Variants in ACP3 observed in about 807,000 individuals in gnomAD.
ACP3 encodes the protein prostatic acid phosphatase.
Under a neutral mutation model 45.6 loss-of-function variants are expected in ACP3, and 38 were observed. The ratio of observed to expected loss-of-function variants is 0.83; its 90% confidence interval spans 0.64 to 1.09. The LOEUF is 1.09. Among genes scored for constraint, ACP3 ranks in the 50% least tolerant of loss-of-function variants. The pLI, the probability that ACP3 is intolerant of heterozygous loss-of-function variation, is 0.00. For synonymous variants in ACP3, 162 were observed against 164.7 expected (o/e 0.98, Z 0.13); for missense variants, 466 against 463.2 (o/e 1.01, Z -0.05).
At chr3:132,336,019 G>A (rs1273702191) in intron 4 of ACP3, among the ~76,000 whole-genome samples, 1 of 152,142 alleles carries the variant, frequency 6.6e-6, no homozygotes, top group African/African-American at 2.4e-5. Flanking sequence ...CCAGCACTTT[G>A]GGAGGCCAAG....
chr3:132,364,647 ATTACCTTTCTGGTTCTC>A (rs1938100127), intron 10 of ACP3, among the ~76,000 whole-genome samples: 1 of 152,148 alleles, frequency 6.6e-6, no homozygotes, highest in South Asian at 2.1e-4. Flanking sequence ...GTATCTTGTA[ATTACCTTTCTGGTTCTC>A]CTGCTAGACA....
chr3:132,361,876 T>G (rs1040652842), downstream of ACP3, among the ~76,000 whole-genome samples: 3 of 152,144 alleles, frequency 2.0e-5, no homozygotes, highest in African/African-American at 7.2e-5. Context: ...ATCTCCGCAG[T>G]CTCCTCAGGA....
chr3:132,352,821 G>C lies in ACP3; in HGVS notation c.966G>C (p.Lys322Asn). ...SCHLTELYFE[K>N]GEYFVEMYYR... ...ACTTGACGGAATTGTACTTTGAGAAGGGGTAAGTGACTAAGTGCTTTTCAA... is the reference window on the plus strand; with the variant it reads ...ACTTGACGGAATTGTACTTTGAGAACGGGTAAGTGACTAAGTGCTTTTCAA... Residue 322 changes from lysine (K) to asparagine (N), a missense_variant and splice_region_variant, in exon 9 of 10, where the codon AAG becomes AAC. Transcript: ENST00000336375. 1.2e-6 allele frequency: 2 copies of C among 1,600,172 alleles called. No individual in the cohort carries two copies. Among genetic ancestry groups the C allele is most frequent in the South Asian group, 1.1e-5 (1 of 90,764 alleles).
At chr3:132,337,733 C>T (rs1937514010) in intron 5 of ACP3, among the ~76,000 whole-genome samples, 179 bp downstream of exon 5, 1 of 152,204 alleles carries the variant, frequency 6.6e-6, no homozygotes, top group Non-Finnish European at 1.5e-5. Flanking sequence ...CTCCTGCTTC[C>T]CTTCCCCATA....
At chr3:132,317,706 G>C in intron 1 of ACP3, 130 bp downstream of exon 1, 1 of 1,071,494 alleles carries the variant, frequency 9.3e-7, no homozygotes, top group Non-Finnish European at 1.2e-6. Context: ...AACTCAGAAA[G>C]TGAATAATCA....
At chr3:132,320,751 A>G (rs967490411) in intron 1 of ACP3, among the ~76,000 whole-genome samples, 1 of 151,716 alleles carries the variant, frequency 6.6e-6, no homozygotes, top group Non-Finnish European at 1.5e-5. Flanking sequence ...CCCAGGTTCA[A>G]GTGATTCTCC....
intron 2 of ACP3, 122 bp downstream of exon 2, chr3:132,328,484 GC>G: frequency 1.5e-6 from 1 of 664,104 alleles, no homozygotes; most frequent in Non-Finnish European, 2.5e-6. Context: ...TTCGAGACCA[GC>G]CTGGCCAACG....
chr3:132,323,471 G>T (rs1937241587), intron 1 of ACP3, among the ~76,000 whole-genome samples: 1 of 151,970 alleles, frequency 6.6e-6, no homozygotes, highest in South Asian at 2.1e-4. Flanking sequence ...AAAACATCAG[G>T]AATATTTATT....
At chr3:132,331,580 A>C in intron 2 of ACP3, 67 bp from the exon 3 acceptor site, 5 of 1,320,696 alleles carry the variant, frequency 3.8e-6, no homozygotes, top group Non-Finnish European at 5.2e-6. Flanking sequence ...AAATCAACAA[A>C]TTTTTATGAT....
chr3:132,352,361 CTT>C (rs35270483), intron 8 of ACP3, among the ~76,000 whole-genome samples: 5 of 135,580 alleles, frequency 3.7e-5, no homozygotes, highest in Non-Finnish European at 3.2e-5. Context: ...CCACACCCAG[CTT>C]TTTTTTTTTT....
At chr3:132,328,069 G>A (rs907352936) in intron 1 of ACP3, among the ~76,000 whole-genome samples, 198 bp from the exon 2 acceptor site, 2 of 151,918 alleles carry the variant, frequency 1.3e-5, no homozygotes, top group Non-Finnish European at 2.9e-5. Context: ...CTGATGTCCT[G>A]GCCACATCCC....
chr3:132,336,074 C>A (rs1937484937), intron 4 of ACP3, among the ~76,000 whole-genome samples: 1 of 152,132 alleles, frequency 6.6e-6, no homozygotes, highest in African/African-American at 2.4e-5. Context: ...TCCTGGCTAA[C>A]ACAGTGAAAC....
intron 1 of ACP3, among the ~76,000 whole-genome samples, chr3:132,326,999 C>T (rs1157325297): frequency 6.6e-6 from 1 of 152,074 alleles, no homozygotes; most frequent in African/African-American, 2.4e-5. Context: ...ATCAAAGCAC[C>T]AAGATTTCAA....
intron 10 of ACP3, among the ~76,000 whole-genome samples, chr3:132,365,658 G>A (rs1938119769): frequency 1.3e-5 from 2 of 152,106 alleles, no homozygotes; most frequent in Admixed American, 1.3e-4. Flanking sequence ...GGCATGATTT[G>A]ACTTTAAGTC....
intron 1 of ACP3, among the ~76,000 whole-genome samples, chr3:132,327,514 G>GAA (rs111653948): frequency 0.032 from 4,143 of 130,664 alleles, 169 homozygotes; most frequent in African/African-American, 0.1. Flanking sequence ...ACTCAGTCTC[G>GAA]AAAAAAAAAA....
At chr3:132,338,284 T>C (rs2107803941) in intron 5 of ACP3, among the ~76,000 whole-genome samples, 1 of 151,722 alleles carries the variant, frequency 6.6e-6, no homozygotes, top group East Asian at 1.9e-4. Flanking sequence ...TTGTTTTGTT[T>C]TTTTTTTTCC....
chr3:132,354,965 A>G (rs898744880), intron 9 of ACP3, among the ~76,000 whole-genome samples: 1 of 152,214 alleles, frequency 6.6e-6, no homozygotes, highest in African/African-American at 2.4e-5. Context: ...TTTGTCTTCT[A>G]TATAGATGAA....
At chr3:132,339,571 T>C (rs1286294432) in intron 5 of ACP3, among the ~76,000 whole-genome samples, 1 of 152,224 alleles carries the variant, frequency 6.6e-6, no homozygotes, top group Non-Finnish European at 1.5e-5. Context: ...GTTCGATCAG[T>C]TTGCAGGGGC....
At chr3:132,317,708 G>A (rs1937135436) in intron 1 of ACP3, 132 bp downstream of exon 1, 3 of 1,046,644 alleles carry the variant, frequency 2.9e-6, no homozygotes, top group Non-Finnish European at 2.5e-6. Context: ...CTCAGAAAGT[G>A]AATAATCAAG....
Sources: gnomAD v4.1 joint callset for allele counts (sites outside exome capture counted in the v4.1 genomes callset) on GRCh38, gnomAD v4.1.1 for gene constraint, MANE v1.5 for transcripts, NCBI Gene and HGNC (gene_info 2026-07-23, HGNC 2026-07-21) for gene names.